SASH1: variants seen among roughly 807,000 people sequenced by gnomAD.
SASH1 encodes SAM and SH3 domain containing 1.
A neutral mutation model predicts 125.2 loss-of-function variants in SASH1; 44 were observed. The observed-to-expected ratio is 0.35, with a 90% CI of 0.28 to 0.45. The LOEUF is 0.45. Ranked by LOEUF, SASH1 falls within the 20% of genes least tolerant of loss-of-function variation. The probability of loss-of-function intolerance (pLI) is 1.00; values close to 1 mark genes in which losing one functional copy is unlikely to be tolerated. For missense variants in SASH1, 1,426 were observed against 1,614.5 expected (o/e 0.88, Z 2.00); for synonymous variants, 639 against 649.1 (o/e 0.98, Z 0.24).
rs188815887 is a variant in SASH1 at position 148,451,947 on chromosome 6, C to T, written c.386+11540C>T. Among the ~76,000 whole-genome samples, 358 of 152,196 alleles carry T rather than the reference C, an allele frequency of 2.4e-3. 1 individual carries two copies. The highest frequency in any genetic ancestry group is 3.5e-3 in the Non-Finnish European group (241 of 68,008). On this transcript the variant is annotated intron_variant, in intron 4 of 19. Coordinates refer to ENST00000367467, the MANE Select transcript of SASH1 (RefSeq NM_015278.5). The stretch of plus-strand genomic sequence containing the variant: ...CCAGGGAGCATGTGTGTGTGCCCTG[C>T]GCCTGGGGCCTGTGTGTATGGGAGT...
intron 4 of SASH1, among the ~76,000 whole-genome samples, chr6:148,448,136 G>GTGTGTA (rs1554258639): frequency 1.3e-5 from 2 of 151,246 alleles, no homozygotes; most frequent in African/African-American, 2.5e-5. Context: ...GTGTGTGTGT[G>GTGTGTA]TGTATGTGTG....
intron 1 of SASH1, among the ~76,000 whole-genome samples, chr6:148,284,441 A>G (rs1779431196): frequency 6.6e-6 from 1 of 152,238 alleles, no homozygotes; most frequent in Admixed American, 6.5e-5. Context: ...TCCATCCCAA[A>G]AAAAAATAAA....
At chr6:148,280,949 G>GTTGTT (rs1416956589) in intron 1 of SASH1, among the ~76,000 whole-genome samples, 2 of 151,506 alleles carry the variant, frequency 1.3e-5, no homozygotes, top group Non-Finnish European at 2.9e-5. Flanking sequence ...GTTTTGTTTT[G>GTTGTT]TTGTTTTGTT....
intron 1 of SASH1, among the ~76,000 whole-genome samples, chr6:148,306,226 C>G (rs904788694): frequency 1.3e-5 from 2 of 152,260 alleles, no homozygotes; most frequent in East Asian, 1.9e-4. Flanking sequence ...TCTTTCCACT[C>G]GCTTGTTCTC....
chr6:148,208,718 ACTTCTGGAATGC>A, the SASH1 span, among the ~76,000 whole-genome samples: 1 of 152,160 alleles, frequency 6.6e-6, no homozygotes, highest in South Asian at 2.1e-4. Context: ...TTGTTATTTT[ACTTCTGGAATGC>A]CTTTCTATAT....
At chr6:148,430,911 A>G (rs1042496395) in intron 2 of SASH1, among the ~76,000 whole-genome samples, 4 of 152,242 alleles carry the variant, frequency 2.6e-5, no homozygotes, top group African/African-American at 7.2e-5. Flanking sequence ...AGAGTAAAAA[A>G]GGACCCTAAA....
intron 1 of SASH1, among the ~76,000 whole-genome samples, chr6:148,313,561 CTTT>C (rs1251062886): frequency 1.3e-5 from 2 of 152,152 alleles, no homozygotes; most frequent in Non-Finnish European, 2.9e-5. Context: ...TCAAATGGTT[CTTT>C]GTTTCTATAA....
At chr6:148,342,294 T>A (rs903653461), upstream of SASH1, among the ~76,000 whole-genome samples, 2 of 152,214 alleles carry the variant, frequency 1.3e-5, no homozygotes, top group Non-Finnish European at 2.9e-5. Context: ...TTGGGTCGCT[T>A]GACTTCACGA....
At chr6:148,213,533 T>TGTGTGTGTGTGTGTG in the SASH1 span, among the ~76,000 whole-genome samples, 4 of 151,384 alleles carry the variant, frequency 2.6e-5, no homozygotes, top group Non-Finnish European at 4.4e-5. Context: ...TGTGTGTGTG[T>TGTGTGTGTGTGTGTG]TTAAAGTGTT....
At chr6:148,458,355 A>G (rs1467917625) in intron 4 of SASH1, among the ~76,000 whole-genome samples, 6 of 152,234 alleles carry the variant, frequency 3.9e-5, no homozygotes, top group Admixed American at 1.3e-4. Context: ...CTTGGCCTCA[A>G]CTAACTTCAA....
chr6:148,272,841 T>C (rs1265812450), intron 1 of SASH1, among the ~76,000 whole-genome samples: 4 of 152,188 alleles, frequency 2.6e-5, no homozygotes, highest in Non-Finnish European at 1.5e-5. Flanking sequence ...CCATTTAGTA[T>C]CTCATATTTT....
At chr6:148,346,708 TA>T (rs1417885293) in intron 1 of SASH1, among the ~76,000 whole-genome samples, 1 of 152,252 alleles carries the variant, frequency 6.6e-6, no homozygotes, top group Non-Finnish European at 1.5e-5. Flanking sequence ...GGGTTACATT[TA>T]TAAAGATGTG....
In SASH1 at chr6:148,389,654, G is replaced by A. The variant is rs186084323; in HGVS notation, c.157-480G>A. Among the ~76,000 whole-genome samples the A allele has an allele frequency of 2.3e-3, 351 of 152,268 alleles. 2 individuals are homozygous for A. The highest frequency in any genetic ancestry group is 8.3e-3 in the African/African-American group (343 of 41,538). ...AGGCTCCCATCAGAATCCCTGGGAG[G>A]GGTCCTGACATCTCTTTTATGAGCT... On this transcript the variant is annotated intron_variant, in intron 1 of 19. Coordinates refer to ENST00000367467, the MANE Select transcript of SASH1 (RefSeq NM_015278.5).
upstream of SASH1, among the ~76,000 whole-genome samples, chr6:148,270,660 G>A (rs749674686): frequency 1.3e-5 from 2 of 151,452 alleles, no homozygotes; most frequent in Non-Finnish European, 2.9e-5. Context: ...CAAACTAGTG[G>A]CAGTTAGTGA....
the SASH1 span, among the ~76,000 whole-genome samples, chr6:148,203,135 G>C: frequency 6.6e-6 from 1 of 152,274 alleles, no homozygotes; most frequent in East Asian, 1.9e-4. Context: ...AATAAAATCA[G>C]AGAAAGAGCT....
At chr6:148,510,552 C>T (rs1223195299) in intron 8 of SASH1, among the ~76,000 whole-genome samples, 1 of 152,130 alleles carries the variant, frequency 6.6e-6, no homozygotes, top group Admixed American at 6.5e-5. Context: ...ATATACAATG[C>T]AGATTTCCTC....
intron 4 of SASH1, among the ~76,000 whole-genome samples, chr6:148,447,111 A>G (rs1247154446): frequency 6.6e-6 from 1 of 152,232 alleles, no homozygotes; most frequent in Non-Finnish European, 1.5e-5. Context: ...AAGGTCCAAA[A>G]TAAATCTCAA....
the SASH1 span, among the ~76,000 whole-genome samples, chr6:148,209,985 C>T: frequency 6.6e-6 from 1 of 152,100 alleles, no homozygotes; most frequent in Non-Finnish European, 1.5e-5. Context: ...AAACATCAGA[C>T]AGAAAGGAAA....
the SASH1 span, among the ~76,000 whole-genome samples, chr6:148,257,717 G>A: frequency 1.4e-5 from 2 of 144,912 alleles, no homozygotes. Context: ...TGCAAACTCC[G>A]CCTCCTGGGT....
Sources: allele counts gnomAD v4.1 joint callset (sites outside exome capture counted in the v4.1 genomes callset), GRCh38; gene constraint gnomAD v4.1.1; transcripts MANE v1.5; gene names NCBI Gene and HGNC (gene_info 2026-07-23, HGNC 2026-07-21).